Variants in LYPLAL1 observed in about 807,000 individuals in gnomAD.
The protein encoded by LYPLAL1 is lysophospholipase-like protein 1.
A neutral mutation model predicts 19.7 loss-of-function variants in LYPLAL1; 23 were observed. That is an observed-to-expected ratio of 1.17 (90% CI 0.84 to 1.65). The LOEUF is 1.65. Ranked by LOEUF, LYPLAL1 falls within the 40% of genes most tolerant of loss-of-function variation. The pLI, the probability that LYPLAL1 is intolerant of heterozygous loss-of-function variation, is 0.00. For missense variants in LYPLAL1, 355 were observed against 279.4 expected (o/e 1.27, Z -1.93); for synonymous variants, 119 against 96.3 (o/e 1.24, Z -1.38).
the LYPLAL1 span, among the ~76,000 whole-genome samples, chr1:219,255,973 T>A: frequency 6.6e-6 from 1 of 151,910 alleles, no homozygotes; most frequent in Non-Finnish European, 1.5e-5. Context: ...ATTAGCTTGG[T>A]TAATATTTAT....
chr1:219,319,630 A>T, the LYPLAL1 span, among the ~76,000 whole-genome samples: 1 of 152,224 alleles, frequency 6.6e-6, no homozygotes, highest in East Asian at 1.9e-4. Flanking sequence ...AATGTGCTTC[A>T]CAGGGTCCCA....
chr1:219,383,735 G>A, the LYPLAL1 span, among the ~76,000 whole-genome samples: 2 of 152,186 alleles, frequency 1.3e-5, no homozygotes, highest in Non-Finnish European at 2.9e-5. Flanking sequence ...AACTTTCATA[G>A]TAGCATATAT....
the LYPLAL1 span, among the ~76,000 whole-genome samples, chr1:219,313,261 C>A: frequency 6.6e-6 from 1 of 150,780 alleles, no homozygotes; most frequent in Non-Finnish European, 1.5e-5. Context: ...GAGTCACCAA[C>A]AACAAACTAC....
the LYPLAL1 span, among the ~76,000 whole-genome samples, chr1:219,343,040 G>T: frequency 6.6e-6 from 1 of 152,180 alleles, no homozygotes; most frequent in Non-Finnish European, 1.5e-5. Context: ...TGTATCTGGC[G>T]CTTGAGGATT....
chr1:219,399,754 G>C, the LYPLAL1 span, among the ~76,000 whole-genome samples: 1 of 152,152 alleles, frequency 6.6e-6, no homozygotes, highest in South Asian at 2.1e-4. Context: ...GGACTAAGGG[G>C]TGCTCAGGTC....
At chr1:219,210,507 C>CTTTTTT (rs779566938) in intron 3 of LYPLAL1, 25 bp from the exon 4 acceptor site, 3 of 1,274,978 alleles carry the variant, frequency 2.4e-6, no homozygotes, top group Non-Finnish European at 3.1e-6. Context: ...ATGTATTCTA[C>CTTTTTT]TTTTAAGTAT....
At chr1:219,209,263 T>C (rs1658811302) in intron 3 of LYPLAL1, among the ~76,000 whole-genome samples, 1 of 152,116 alleles carries the variant, frequency 6.6e-6, no homozygotes, top group Non-Finnish European at 1.5e-5. Context: ...TTAAAAAATC[T>C]AAACTTTGCC....
the LYPLAL1 span, among the ~76,000 whole-genome samples, chr1:219,359,363 T>C: frequency 2.0e-5 from 3 of 152,200 alleles, no homozygotes; most frequent in Non-Finnish European, 4.4e-5. Flanking sequence ...CCTTTGACTA[T>C]TCCCAGTGTT....
the LYPLAL1 span, among the ~76,000 whole-genome samples, chr1:219,285,647 A>G: frequency 1.3e-5 from 2 of 152,024 alleles, no homozygotes; most frequent in Admixed American, 1.3e-4. Context: ...GATTCCATTT[A>G]TGTGAAACGT....
At chr1:219,235,511 TA>T in the LYPLAL1 span, among the ~76,000 whole-genome samples, 4 of 152,350 alleles carry the variant, frequency 2.6e-5, no homozygotes, top group Middle Eastern at 3.4e-3. Flanking sequence ...ATATTTCAGA[TA>T]ATGTATTTTA....
the LYPLAL1 span, among the ~76,000 whole-genome samples, chr1:219,350,472 G>A: frequency 3.9e-5 from 6 of 152,220 alleles, no homozygotes; most frequent in Non-Finnish European, 8.8e-5. Context: ...AAAACTGTGT[G>A]AAGCTACACT....
chr1:219,203,399 TC>T (rs993420595), intron 3 of LYPLAL1, among the ~76,000 whole-genome samples: 4 of 152,170 alleles, frequency 2.6e-5, no homozygotes, highest in African/African-American at 9.7e-5. Flanking sequence ...TTTCAAATTG[TC>T]AATAAAATGT....
chr1:219,358,331 A>C, the LYPLAL1 span, among the ~76,000 whole-genome samples: 1 of 152,350 alleles, frequency 6.6e-6, no homozygotes, highest in South Asian at 2.1e-4. Context: ...AAGAAACTGC[A>C]CAAGTACTGT....
chr1:219,359,281 G>T, the LYPLAL1 span, among the ~76,000 whole-genome samples: 3 of 152,140 alleles, frequency 2.0e-5, no homozygotes, highest in African/African-American at 7.2e-5. Flanking sequence ...AATACCTCCA[G>T]GATCACTTCA....
intron 4 of LYPLAL1, among the ~76,000 whole-genome samples, chr1:219,211,238 G>A (rs951982156): frequency 2.0e-5 from 3 of 152,030 alleles, no homozygotes; most frequent in Non-Finnish European, 4.4e-5. Context: ...GAAATGCTTT[G>A]GCCATTTTTA....
chr1:219,210,979 T>G (rs1310187423), intron 4 of LYPLAL1, among the ~76,000 whole-genome samples: 1 of 152,146 alleles, frequency 6.6e-6, no homozygotes, highest in African/African-American at 2.4e-5. Context: ...GCTTATTGCA[T>G]CATGAACATA....
At chr1:219,326,971 C>T in the LYPLAL1 span, among the ~76,000 whole-genome samples, 9 of 152,286 alleles carry the variant, frequency 5.9e-5, no homozygotes, top group South Asian at 2.1e-4. Flanking sequence ...CAGTGGCTCA[C>T]GCCTGTAATC....
At chr1:219,248,009 A>ATCTT in the LYPLAL1 span, among the ~76,000 whole-genome samples, 1 of 152,316 alleles carries the variant, frequency 6.6e-6, no homozygotes, top group Admixed American at 6.5e-5. Flanking sequence ...TCTATTAAGA[A>ATCTT]AACACTATAC....
the LYPLAL1 span, among the ~76,000 whole-genome samples, chr1:219,245,194 TTCCTTCCTTCCTTCCTTC>T: frequency 2.5e-5 from 2 of 81,024 alleles, no homozygotes; most frequent in South Asian, 1.4e-3. Context: ...CCTTCCTTCC[TTCCTTCCTTCCTTCCTTC>T]CTTCCTTCCT....
Sources: allele counts gnomAD v4.1 joint callset (sites outside exome capture counted in the v4.1 genomes callset), GRCh38; gene constraint gnomAD v4.1.1; transcripts MANE v1.5; gene names NCBI Gene and HGNC (gene_info 2026-07-23, HGNC 2026-07-21).